The following SLC25A27 variants were observed in gnomAD, a reference collection of about 807,000 sequenced individuals.
The protein encoded by SLC25A27 is mitochondrial uncoupling protein 4.
In SLC25A27, 35 loss-of-function variants were observed where a neutral mutation model predicts 49.1. The ratio of observed to expected loss-of-function variants is 0.71; its 90% CI spans 0.54 to 0.95. The LOEUF (loss-of-function observed/expected upper bound fraction) is 0.95. Ranked by LOEUF, SLC25A27 falls within the 40% of genes least tolerant of loss-of-function variation. The probability of loss-of-function intolerance (pLI) is 0.00; values close to 1 mark genes in which losing one functional copy is unlikely to be tolerated. For synonymous variants in SLC25A27, 144 were observed against 136.9 expected (o/e 1.05, Z -0.36); for missense variants, 339 against 397.1 (o/e 0.85, Z 1.24).
At chr6:46,658,685 G>A (rs1190627438) in intron 2 of SLC25A27, 2 of 442,556 alleles carry the variant, frequency 4.5e-6, no homozygotes, top group African/African-American at 2.0e-5. Context: ...TTTTTGAGTT[G>A]AGTCCTGAAA....
chr6:46,653,828 A>G (rs978240671), intron 1 of SLC25A27: 9 of 985,260 alleles, frequency 9.1e-6, no homozygotes, highest in African/African-American at 1.7e-5. Flanking sequence ...TGAGAAGTCA[A>G]TAATATATGA....
Position 46,652,982 on chromosome 6 carries a change from T to A in SLC25A27, c.-211T>A. 1.7e-6 allele frequency: 1 copy of A among 584,108 alleles called. No individual in the cohort carries two copies. Among genetic ancestry groups the A allele is most frequent in the Non-Finnish European group, 3.0e-6 (1 of 329,424 alleles). 36.2% of individuals were successfully genotyped at this position (584,108 alleles called of 1,614,324 possible). On this transcript the variant is annotated 5_prime_UTR_variant, in exon 1 of 9. Coordinates refer to ENST00000371347, the MANE Select transcript of SLC25A27 (RefSeq NM_004277.5). ...AACCTCCTGGGCTCCGCTGTGTTTT[T>A]CTATTCTGGGGTGTAAGGGGCAGCT...
In SLC25A27 at chr6:46,676,731, C is replaced by G; in HGVS notation, c.*277C>G. On this transcript the variant is annotated 3_prime_UTR_variant, in exon 9 of 9. Coordinates refer to ENST00000371347, the MANE Select transcript of SLC25A27 (RefSeq NM_004277.5). ...AGAATCGAAGCCTGACCACTTTCAC[C>G]TTGGGCAAGAAGGTTTGGCCTTTGA... is the stretch of plus-strand genomic sequence containing the variant. 1 of 1,527,368 alleles carries G rather than the reference C, an allele frequency of 6.5e-7. No homozygotes were observed. The highest frequency in any genetic ancestry group is 1.2e-5 in the South Asian group (1 of 83,600). The allele number at this position is 1,527,368 out of a possible 1,614,324, so 94.6% of individuals were successfully genotyped here.
chr6:46,658,786 G>A, intron 2 of SLC25A27, 176 bp from the exon 3 acceptor site: 1 of 614,874 alleles, frequency 1.6e-6, no homozygotes, highest in Non-Finnish European at 2.9e-6. Context: ...AAAAGAGCAT[G>A]CCCCATTTGG....
chr6:46,661,649 C>T (rs999601901), intron 3 of SLC25A27, among the ~76,000 whole-genome samples: 1 of 152,228 alleles, frequency 6.6e-6, no homozygotes, highest in Admixed American at 6.5e-5. Context: ...TCTGGATTCA[C>T]ATCTTGGCTG....
chr6:46,669,541 T>C (rs1042788713), intron 6 of SLC25A27, among the ~76,000 whole-genome samples: 2 of 152,162 alleles, frequency 1.3e-5, no homozygotes, highest in Non-Finnish European at 2.9e-5. Context: ...ACCCTAAAAG[T>C]GTAATAGTGT....
rs989579000 is a variant in SLC25A27 at position 46,660,387 on chromosome 6, CTAACTT to C, written c.383+1345_383+1350del. 3.0e-4 allele frequency among the ~76,000 whole-genome samples: 45 copies of C among 152,236 alleles called. 1 individual carries two copies. Among genetic ancestry groups the C allele is most frequent in the Admixed American group, 1.9e-3 (29 of 15,290 alleles). ...CAATAATCAGGGAAATTAATTAAAA[CTAACTT>C]TAAGCTGTTAGTGGAAATATAAGTT... On this transcript the variant is annotated intron_variant, in intron 3 of 8. Transcript: ENST00000371347.
chr6:46,672,227 G>A (rs1763579304), intron 8 of SLC25A27, among the ~76,000 whole-genome samples: 1 of 152,092 alleles, frequency 6.6e-6, no homozygotes, highest in Non-Finnish European at 1.5e-5. Flanking sequence ...ATTCTCTATA[G>A]AGGGACAGTT....
chr6:46,660,152 C>T (rs974190467), intron 3 of SLC25A27, among the ~76,000 whole-genome samples: 1 of 151,944 alleles, frequency 6.6e-6, no homozygotes, highest in Non-Finnish European at 1.5e-5. Flanking sequence ...TTCATTGATT[C>T]TCTTGGAAAG....
Position 46,676,446 on chromosome 6 carries a change from C to G in SLC25A27, c.964C>G (p.Pro322Ala). The G allele has an allele frequency of 6.2e-7, 1 of 1,613,884 alleles. No individual in the cohort carries two copies. The highest frequency in any genetic ancestry group is 8.5e-7 in the Non-Finnish European group (1 of 1,179,830). The change falls in exon 9 of 9, where the codon CCA becomes GCA. Residue 322 changes from proline to alanine, a missense_variant. Transcript: ENST00000371347. ...AATCAGAGAGATGAGTGGAGTCAGT[C>G]CATTTTAAACCCCTAAAGATGCAAC... ...EKIREMSGVS[P>A]F
chr6:46,670,377 C>G (rs1016786896), intron 7 of SLC25A27, 150 bp downstream of exon 7: 2 of 585,968 alleles, frequency 3.4e-6, no homozygotes, highest in Non-Finnish European at 6.0e-6. Flanking sequence ...ATTACCTGCT[C>G]TTTGATGAAA....
chr6:46,664,315 C>T (rs1228188413), intron 4 of SLC25A27, among the ~76,000 whole-genome samples: 1 of 152,078 alleles, frequency 6.6e-6, no homozygotes, highest in African/African-American at 2.4e-5. Context: ...ATGAAATTGT[C>T]CTTTTTACTT....
At chr6:46,674,681 G>C (rs751264169) in intron 8 of SLC25A27, among the ~76,000 whole-genome samples, 14 of 152,046 alleles carry the variant, frequency 9.2e-5, no homozygotes, top group Non-Finnish European at 1.8e-4. Context: ...ACAATAGTTG[G>C]CTCATTCACA....
chr6:46,660,192 A>C (rs560391828), intron 3 of SLC25A27, among the ~76,000 whole-genome samples: 2 of 148,464 alleles, frequency 1.3e-5, no homozygotes, highest in African/African-American at 5.1e-5. Context: ...GAAAGATTCC[A>C]CTGCCTGCAC....
At chr6:46,662,535 C>G in intron 4 of SLC25A27, 37 bp downstream of exon 4, 1 of 1,606,478 alleles carries the variant, frequency 6.2e-7, no homozygotes, top group Non-Finnish European at 8.5e-7. Flanking sequence ...CTCTTTTTCC[C>G]TTGGCCACCG....
In SLC25A27 at chr6:46,653,418, G is replaced by C. The variant is rs1049806830; in HGVS notation, c.106+120G>C. 3.5e-6 allele frequency: 5 copies of C among 1,436,118 alleles called. No individual in the cohort carries two copies. The Admixed American group carries it at 8.8e-5, about 25-fold the overall frequency. 89.0% of individuals were successfully genotyped at this position (1,436,118 alleles called of 1,614,324 possible). On this transcript the variant is annotated intron_variant, in intron 1 of 8. Transcript: ENST00000371347. ...CGGAGAGGTCGCCCCTTCCATGCCC[G>C]CCTGGCAGAGGTGGCGGTGGAGGCC...
Position 46,655,961 on chromosome 6 carries a change from T to C in SLC25A27, c.225T>C (p.Ala75=), listed in dbSNP as rs3757241. Residue 75 remains alanine (A), a synonymous_variant, in exon 2 of 9, where the codon GCT becomes GCC. Transcript: ENST00000371347. The stretch of plus-strand genomic sequence containing the variant: ...CCTATAGGGGAATGGTGCGCACAGC[T>C]CTAGGGATCATTGAAGAGGAAGGCT... ...SAPYRGMVRT[A]LGIIEEEGFL... 1,325,591 of 1,613,510 alleles carry C rather than the reference T, an allele frequency of 0.82. 545,878 individuals are homozygous for C. The highest frequency in any genetic ancestry group is 0.96 in the African/African-American group (71,613 of 74,942).
rs1215403477 is a variant in SLC25A27, at chr6:46,677,920, G to A, written c.*1466G>A. On this transcript the variant is annotated 3_prime_UTR_variant, in exon 9 of 9. Transcript: ENST00000371347. Reference sequence around the variant, plus strand: ...TTTGAATGTCATGTACTGATATGCAGTAGCTTATTGTTTTTCTAGTTGCAG... The same window carrying A: ...TTTGAATGTCATGTACTGATATGCAATAGCTTATTGTTTTTCTAGTTGCAG... The A allele has an allele frequency of 6.6e-6, 1 of 152,134 alleles. No homozygotes were observed. Among genetic ancestry groups the A allele is most frequent in the Non-Finnish European group, 1.5e-5 (1 of 67,950 alleles). 9.4% of individuals were successfully genotyped at this position (152,134 alleles called of 1,614,324 possible). A position where few individuals can be genotyped will look rare whatever the true frequency, so the allele number is the denominator to read the frequency against.
intron 3 of SLC25A27, among the ~76,000 whole-genome samples, chr6:46,661,246 GTA>G (rs1416179518): frequency 6.6e-6 from 1 of 152,186 alleles, no homozygotes; most frequent in East Asian, 1.9e-4. Flanking sequence ...ATATGATAAT[GTA>G]TGTGCTCATC....
Sources: gnomAD v4.1 joint callset for allele counts (sites outside exome capture counted in the v4.1 genomes callset) on GRCh38, gnomAD v4.1.1 for gene constraint, MANE v1.5 for transcripts, NCBI Gene and HGNC (gene_info 2026-07-23, HGNC 2026-07-21) for gene names.